WDR37: variants seen among roughly 807,000 people sequenced by gnomAD.
WDR37 encodes WD repeat-containing protein 37.
In WDR37, 19 loss-of-function variants were observed where a neutral mutation model predicts 62.9. That is an observed-to-expected ratio of 0.30 (90% CI 0.21 to 0.44). The LOEUF (loss-of-function observed/expected upper bound fraction) is 0.44, where lower values mean the gene tolerates loss of function less well. Ranked by LOEUF, WDR37 falls within the 20% of genes least tolerant of loss-of-function variation. The probability of loss-of-function intolerance (pLI) is 1.00; values close to 1 mark genes in which losing one functional copy is unlikely to be tolerated. For synonymous variants in WDR37, 250 were observed against 260.9 expected (o/e 0.96, Z 0.40); for missense variants, 474 against 657.6 (o/e 0.72, Z 3.05).
At chr10:1,123,581 G>A (rs1393083650) in intron 11 of WDR37, among the ~76,000 whole-genome samples, 3 of 152,180 alleles carry the variant, frequency 2.0e-5, no homozygotes, top group South Asian at 2.1e-4. Flanking sequence ...GTGTGTACAC[G>A]CCGCATTAAA....
Position 1,121,003 on chromosome 10 carries a change from C to A in WDR37, c.1104-3215C>A, listed in dbSNP as rs189622328. On this transcript the variant is annotated intron_variant, in intron 11 of 13. Transcript: ENST00000263150. This position sits in a 1 kb window ranked among gnomAD's most constrained non-coding sequence, Gnocchi z 4.5. Reference sequence around the variant, plus strand: ...TGCTGCACTGTCAGCTGGAGGAGCACGCTCGGCTGCCCCACACGACAAGAT... The same window carrying A: ...TGCTGCACTGTCAGCTGGAGGAGCAAGCTCGGCTGCCCCACACGACAAGAT... 1.3e-5 allele frequency among the ~76,000 whole-genome samples: 2 copies of A among 152,120 alleles called. No homozygotes were observed. The highest frequency in any genetic ancestry group is 2.9e-5 in the Non-Finnish European group (2 of 68,024).
At chr10:1,108,822 A>AG (rs1835113678) in intron 11 of WDR37, among the ~76,000 whole-genome samples, 1 of 149,176 alleles carries the variant, frequency 6.7e-6, no homozygotes, top group South Asian at 2.2e-4. Context: ...AAGACCCAGC[A>AG]GCTCTCACTG....
intron 1 of WDR37, among the ~76,000 whole-genome samples, chr10:1,065,183 T>C (rs1833497903): frequency 6.6e-6 from 1 of 152,224 alleles, no homozygotes; most frequent in African/African-American, 2.4e-5. Flanking sequence ...AAATTGTGTT[T>C]GGAATTTGAA....
intron 5 of WDR37, among the ~76,000 whole-genome samples, chr10:1,083,505 T>G (rs1345647121): frequency 6.6e-6 from 1 of 152,244 alleles, no homozygotes; most frequent in Admixed American, 6.5e-5. Flanking sequence ...TTTTAGTTCT[T>G]CACTTAGTTT....
chr10:1,115,961 G>A (rs1835381734), intron 11 of WDR37, among the ~76,000 whole-genome samples: 1 of 152,172 alleles, frequency 6.6e-6, no homozygotes, highest in African/African-American at 2.4e-5. Flanking sequence ...ATGCCTGAAA[G>A]CTTGGTGGTT....
Position 1,105,289 on chromosome 10 carries a change from A to G in WDR37, c.1103+22A>G, listed in dbSNP as rs1241267207. 6.2e-7 allele frequency: 1 copy of G among 1,610,088 alleles called. No individual in the cohort carries two copies. Among genetic ancestry groups the G allele is most frequent in the South Asian group, 1.1e-5 (1 of 90,388 alleles). On this transcript the variant is annotated intron_variant, in intron 11 of 13. Coordinates refer to ENST00000263150, the MANE Select transcript of WDR37 (RefSeq NM_014023.4). This position sits in a 1 kb window ranked among gnomAD's most constrained non-coding sequence, Gnocchi z 5.3. Reference sequence around the variant, plus strand: ...CGGAGTGAGTTGCGGTAGTTTAGACATCTGTCCTTAGTCATGAAAAAGTTC... The same window carrying G: ...CGGAGTGAGTTGCGGTAGTTTAGACGTCTGTCCTTAGTCATGAAAAAGTTC...
At chr10:1,078,396 A>G (rs913729347) in intron 3 of WDR37, among the ~76,000 whole-genome samples, 3 of 152,202 alleles carry the variant, frequency 2.0e-5, no homozygotes, top group African/African-American at 7.2e-5. Flanking sequence ...GCTTTAATTT[A>G]TCTTTTTTTT....
rs1170929391 is a variant in WDR37, at chr10:1,093,489, T to C, written c.642T>C (p.Ala214=). The C allele has an allele frequency of 1.2e-6, 2 of 1,609,232 alleles. No individual in the cohort carries two copies. The highest frequency in any genetic ancestry group is 8.5e-7 in the Non-Finnish European group (1 of 1,178,114). The change falls in exon 8 of 14, where the codon GCT becomes GCC. Residue 214 remains alanine (A), a synonymous_variant. Transcript: ENST00000263150. The part of the protein sequence containing the change: ...SIKFHPSEQL[A]LTASGDQTAH... ...AATTTCATCCCTCAGAGCAGTTGGCTCTCACTGGTATGTTGATTTTTTTCT... is the reference window on the plus strand; with the variant it reads ...AATTTCATCCCTCAGAGCAGTTGGCCCTCACTGGTATGTTGATTTTTTTCT...
At chr10:1,065,619 A>G (rs1057312463) in intron 1 of WDR37, among the ~76,000 whole-genome samples, 1 of 152,088 alleles carries the variant, frequency 6.6e-6, no homozygotes, top group Non-Finnish European at 1.5e-5. Context: ...AAAAAACATG[A>G]TAGAATTCAG....
rs1249187245 is a variant in WDR37, at chr10:1,072,313, G to A, written c.138+20G>A. 1 of 1,608,696 alleles carries A rather than the reference G, an allele frequency of 6.2e-7. No homozygotes were observed. The highest frequency in any genetic ancestry group is 1.3e-5 in the African/African-American group (1 of 74,538). ...GGACAAGTAAGCTACGATTGATTAG[G>A]GCCTTATTGATTGATTGATTTTTGA... is the stretch of plus-strand genomic sequence containing the variant. On this transcript the variant is annotated intron_variant, in intron 2 of 13. Coordinates refer to ENST00000263150, the MANE Select transcript of WDR37 (RefSeq NM_014023.4).
At chr10:1,095,124 G>C (rs1226460341) in intron 8 of WDR37, among the ~76,000 whole-genome samples, 1 of 148,690 alleles carries the variant, frequency 6.7e-6, no homozygotes, top group Non-Finnish European at 1.5e-5. Context: ...AATGGGCATG[G>C]AGAGAGGAGG....
rs1356353435 is a variant in WDR37, at chr10:1,130,677, AT to A, written c.*1334del. 6.6e-6 allele frequency: 1 copy of A among 152,254 alleles called. No homozygotes were observed. The highest frequency in any genetic ancestry group is 2.4e-5 in the African/African-American group (1 of 41,442). 9.4% of individuals were successfully genotyped at this position (152,254 alleles called of 1,614,324 possible). ...CCACTTGGAGAGACACAGGAAGGTA[AT>A]ATTTACAGCTGTCATGTGACATCCC... is the stretch of plus-strand genomic sequence containing the variant. On this transcript the variant is annotated 3_prime_UTR_variant, in exon 14 of 14. Transcript: ENST00000263150.
Position 1,079,131 on chromosome 10 carries a change from C to G in WDR37, c.236-880C>G, listed in dbSNP as rs184173250. 7.5e-3 allele frequency among the ~76,000 whole-genome samples: 1,136 copies of G among 151,808 alleles called. 19 individuals are homozygous for G. Among genetic ancestry groups the G allele is most frequent in the African/African-American group, 0.026 (1,071 of 41,374 alleles). ...ACAAAATCTTGCTCTGTCACCTAGG[C>G]TGGAGTGCAGTGGCGTGATCTGGGC... On this transcript the variant is annotated intron_variant, in intron 3 of 13. Transcript: ENST00000263150.
At chr10:1,119,634 G>A (rs555220854) in intron 11 of WDR37, among the ~76,000 whole-genome samples, 1 of 152,182 alleles carries the variant, frequency 6.6e-6, no homozygotes, top group African/African-American at 2.4e-5. Context: ...AGGCCTTAGG[G>A]TGCTGTTGTG....
At chr10:1,062,183 G>C (rs931436340) in intron 1 of WDR37, among the ~76,000 whole-genome samples, 1 of 152,146 alleles carries the variant, frequency 6.6e-6, no homozygotes, top group Non-Finnish European at 1.5e-5. Flanking sequence ...TTCCAGGGAG[G>C]TGATTGTAGG....
At position 1,121,525 on chromosome 10, in the gene WDR37, T is replaced by C. The variant is rs1043357505; in HGVS notation, c.1104-2693T>C. ...GGTTGATTTTGCAGTCTCTCTCCTC[T>C]GCCCATGCTGCTCTCGTAACCCGTG... On this transcript the variant is annotated intron_variant, in intron 11 of 13. Coordinates refer to ENST00000263150, the MANE Select transcript of WDR37 (RefSeq NM_014023.4). The surrounding 1 kb of genome is among the most constrained non-coding windows in gnomAD (Gnocchi z 4.5). Among the ~76,000 whole-genome samples, 4 of 152,218 alleles carry C rather than the reference T, an allele frequency of 2.6e-5. No individual in the cohort carries two copies. The highest frequency in any genetic ancestry group is 6.5e-5 in the Admixed American group (1 of 15,280).
chr10:1,061,193 T>C lies in WDR37; in HGVS notation c.-41+4225T>C, dbSNP rs561863051. On this transcript the variant is annotated intron_variant, in intron 1 of 13. Transcript: ENST00000263150. ...TTTGTAGTAGCTCTTCAGCCTCTGG[T>C]AGATCTGCCAGTCCACCAACTTTCT... 1.1e-4 allele frequency among the ~76,000 whole-genome samples: 17 copies of C among 152,328 alleles called. No individual in the cohort carries two copies. In the South Asian group the frequency reaches 3.3e-3, roughly 30 times the overall value.
intron 6 of WDR37, 68 bp downstream of exon 6, chr10:1,084,606 T>G (rs1834140060): frequency 1.3e-6 from 2 of 1,577,354 alleles, no homozygotes; most frequent in Non-Finnish European, 1.7e-6. Flanking sequence ...GTGATGGACA[T>G]TCACTTTTCT....
chr10:1,132,166 T>C lies in WDR37; in HGVS notation c.*2822T>C, dbSNP rs936531624. 6.6e-6 allele frequency: 1 copy of C among 152,616 alleles called. No homozygotes were observed. The highest frequency in any genetic ancestry group is 6.5e-5 in the Admixed American group (1 of 15,282). The allele number at this position is 152,616 out of a possible 1,614,324, so 9.5% of individuals were successfully genotyped here. On this transcript the variant is annotated 3_prime_UTR_variant, in exon 14 of 14. Coordinates refer to ENST00000263150, the MANE Select transcript of WDR37 (RefSeq NM_014023.4). Reference sequence around the variant, plus strand: ...TGTCCATGTTCCATAATTACTATTATAAAAGCTTTGTGTTATTGGGAGTCT... The same window carrying C: ...TGTCCATGTTCCATAATTACTATTACAAAAGCTTTGTGTTATTGGGAGTCT...
Sources: gnomAD v4.1 joint callset for allele counts (sites outside exome capture counted in the v4.1 genomes callset) on GRCh38, gnomAD v4.1.1 for gene constraint, Gnocchi (gnomAD v3.1) non-coding constraint, MANE v1.5 for transcripts, NCBI Gene and HGNC (gene_info 2026-07-23, HGNC 2026-07-21) for gene names.